Variants in NBAS observed in about 807,000 individuals in gnomAD.
NBAS encodes the protein NAG/BC035112 fusion.
Under a neutral mutation model 302.5 loss-of-function variants are expected in NBAS, and 219 were observed. That is an observed-to-expected ratio of 0.72 (90% confidence interval 0.65 to 0.81). The LOEUF is 0.81. Among genes scored for constraint, NBAS ranks in the 30% least tolerant of loss-of-function variants. The pLI is 0.00. For synonymous variants in NBAS, 1,118 were observed against 1,021.6 expected (o/e 1.09, Z -1.80); for missense variants, 2,932 against 2,841.6 (o/e 1.03, Z -0.72).
the NBAS span, among the ~76,000 whole-genome samples, chr2:15,150,355 C>T: frequency 4.9e-4 from 74 of 152,176 alleles, no homozygotes; most frequent in African/African-American, 1.8e-3. Context: ...CTTGGAAATG[C>T]TTTGGTAGAT....
chr2:15,253,095 T>C (rs1019259215), intron 44 of NBAS, among the ~76,000 whole-genome samples: 1 of 152,140 alleles, frequency 6.6e-6, no homozygotes, highest in African/African-American at 2.4e-5. Flanking sequence ...AAGGCTTTTA[T>C]AGAAGAAGAA....
intron 32 of NBAS, among the ~76,000 whole-genome samples, chr2:15,359,019 G>T (rs1162348614): frequency 6.6e-6 from 1 of 152,120 alleles, no homozygotes; most frequent in East Asian, 1.9e-4. Context: ...AAATAAAACT[G>T]CAATTAAACC....
chr2:14,895,739 C>CAAAAAAAAAAAAAAAAAAAAAAAAA, the NBAS span, among the ~76,000 whole-genome samples: 80 of 95,390 alleles, frequency 8.4e-4, no homozygotes, highest in Non-Finnish European at 1.1e-3. Context: ...GACTCCGTCT[C>CAAAAAAAAAAAAAAAAAAAAAAAAA]AAAAAAAAAA....
intron 32 of NBAS, among the ~76,000 whole-genome samples, chr2:15,358,990 A>G (rs1374156223): frequency 6.6e-6 from 1 of 152,206 alleles, no homozygotes; most frequent in Non-Finnish European, 1.5e-5. Flanking sequence ...TCTTATCTGA[A>G]TAAAGCACTG....
the NBAS span, among the ~76,000 whole-genome samples, chr2:14,945,157 G>A: frequency 1.3e-5 from 2 of 152,182 alleles, no homozygotes; most frequent in Non-Finnish European, 2.9e-5. Flanking sequence ...GTTTCCAGCA[G>A]TGCAAGAATA....
intron 38 of NBAS, among the ~76,000 whole-genome samples, chr2:15,316,251 C>A (rs1003057827): frequency 6.6e-6 from 1 of 152,208 alleles, no homozygotes; most frequent in African/African-American, 2.4e-5. Flanking sequence ...ACTCTCCCCC[C>A]GTTCCAAGAC....
At chr2:14,907,686 T>C in the NBAS span, 1 of 152,258 alleles carries the variant, frequency 6.6e-6, no homozygotes, top group South Asian at 2.1e-4. Flanking sequence ...GACTATTTCT[T>C]TTGACAATAA....
intron 6 of NBAS, among the ~76,000 whole-genome samples, chr2:15,543,769 G>A (rs1042390784): frequency 2.0e-5 from 3 of 152,208 alleles, no homozygotes; most frequent in East Asian, 1.9e-4. Flanking sequence ...CCCGCAACAC[G>A]TGGGAGTTAT....
intron 42 of NBAS, among the ~76,000 whole-genome samples, chr2:15,279,182 C>T (rs900940462): frequency 6.6e-6 from 1 of 151,976 alleles, no homozygotes; most frequent in Non-Finnish European, 1.5e-5. Context: ...AACAACATGC[C>T]AAAAGGAGGA....
the NBAS span, among the ~76,000 whole-genome samples, chr2:14,825,027 G>A: frequency 6.6e-6 from 1 of 152,102 alleles, no homozygotes; most frequent in African/African-American, 2.4e-5. Flanking sequence ...TCCACATAAA[G>A]TATTTTAATT....
At chr2:14,814,105 T>C in the NBAS span, among the ~76,000 whole-genome samples, 2 of 152,216 alleles carry the variant, frequency 1.3e-5, no homozygotes, top group Non-Finnish European at 2.9e-5. Flanking sequence ...AGAGGATTTA[T>C]GAAAATGCCT....
the NBAS span, among the ~76,000 whole-genome samples, chr2:15,104,897 G>A: frequency 2.0e-5 from 3 of 151,882 alleles, no homozygotes; most frequent in Middle Eastern, 3.2e-3. Context: ...TTTTGATGGG[G>A]TTGCTTTTTC....
intron 21 of NBAS, among the ~76,000 whole-genome samples, chr2:15,444,089 T>C (rs1031447254): frequency 2.0e-5 from 3 of 151,720 alleles, no homozygotes; most frequent in African/African-American, 7.3e-5. Context: ...CAAGGTAATT[T>C]ATAGATTCAA....
intron 44 of NBAS, among the ~76,000 whole-genome samples, chr2:15,246,837 G>A (rs931921448): frequency 6.6e-6 from 1 of 152,180 alleles, no homozygotes; most frequent in Non-Finnish European, 1.5e-5. Context: ...TCAAGGCCCT[G>A]CCCCTGGGTA....
intron 50 of NBAS, chr2:15,180,385 C>T (rs1558414433): frequency 6.6e-6 from 1 of 152,156 alleles, no homozygotes; most frequent in East Asian, 1.9e-4. Flanking sequence ...ATCGGGAATT[C>T]TAATTCAAAA....
the NBAS span, among the ~76,000 whole-genome samples, chr2:14,910,872 G>A: frequency 6.6e-6 from 1 of 152,304 alleles, no homozygotes; most frequent in African/African-American, 2.4e-5. Context: ...CTTCAAAATT[G>A]TACTGGGGAT....
At chr2:15,090,416 A>G in the NBAS span, among the ~76,000 whole-genome samples, 2 of 152,364 alleles carry the variant, frequency 1.3e-5, no homozygotes, top group South Asian at 4.1e-4. Context: ...ATATTCTGGT[A>G]TCTGTATAGG....
rs1667725875 is a variant in NBAS at position 15,238,768 on chromosome 2, A to G, written c.5725-82T>C. The G allele has an allele frequency of 9.4e-6, 12 of 1,275,830 alleles. No homozygotes were observed. The South Asian group carries it at 1.7e-4, about 18-fold the overall frequency. The allele number at this position is 1,275,830 out of a possible 1,614,324, so 79.0% of individuals were successfully genotyped here. A position where few individuals can be genotyped will look rare whatever the true frequency, so the allele number is the denominator to read the frequency against. On this transcript the variant is annotated intron_variant, in intron 44 of 51. Transcript: ENST00000281513. ...CAGCAAGTGTTAATGAGTTAGAACAAAAGTGAAATTTTTGTATATATGATT... is the reference window on the plus strand; with the variant it reads ...CAGCAAGTGTTAATGAGTTAGAACAGAAGTGAAATTTTTGTATATATGATT...
chr2:15,424,202 A>T, intron 23 of NBAS, 113 bp downstream of exon 23: 1 of 1,212,272 alleles, frequency 8.2e-7, no homozygotes, highest in East Asian at 2.3e-5. Context: ...CATCTCTTGC[A>T]ATTATATACA....
Sources: allele counts gnomAD v4.1 joint callset (sites outside exome capture counted in the v4.1 genomes callset), GRCh38; gene constraint gnomAD v4.1.1; transcripts MANE v1.5; gene names NCBI Gene and HGNC (gene_info 2026-07-23, HGNC 2026-07-21).